The following DGLUCY variants were observed in gnomAD, a reference collection of about 807,000 sequenced individuals.
The protein encoded by DGLUCY is D-glutamate cyclase.
A neutral mutation model predicts 58.5 loss-of-function variants in DGLUCY; 58 were observed. The observed-to-expected ratio is 0.99, with a 90% CI of 0.80 to 1.23. DGLUCY has a LOEUF of 1.23. DGLUCY is among the 50% of genes most tolerant of loss of function. The pLI is 0.00. For missense variants in DGLUCY, 779 were observed against 784.7 expected, an observed-to-expected ratio of 0.99 and a Z score of 0.09; for synonymous variants, 325 against 314.1, an observed-to-expected ratio of 1.03 and a Z score of -0.37.
intron 9 of DGLUCY, chr14:91,189,878 T>A (rs948954876): frequency 2.0e-5 from 3 of 152,364 alleles, no homozygotes; most frequent in Admixed American, 6.5e-5. Context: ...GCACCCATTA[T>A]GTCAGAAGTT....
chr14:91,128,549 G>A (rs982414213), intron 1 of DGLUCY, among the ~76,000 whole-genome samples: 3 of 152,158 alleles, frequency 2.0e-5, no homozygotes, highest in East Asian at 1.9e-4. Context: ...AAAGGGGATT[G>A]TATTAGCCTA....
At chr14:91,184,689 T>C (rs1219429522) in intron 8 of DGLUCY, among the ~76,000 whole-genome samples, 1 of 141,014 alleles carries the variant, frequency 7.1e-6, no homozygotes, top group African/African-American at 2.7e-5. Context: ...AGGAAGGAAA[T>C]GTCTGATTCT....
chr14:91,149,943 G>A (rs1361113894), intron 1 of DGLUCY, among the ~76,000 whole-genome samples: 1 of 152,094 alleles, frequency 6.6e-6, no homozygotes, highest in Non-Finnish European at 1.5e-5. Context: ...TGTTTGGGCT[G>A]GGTGCGGTGG....
At chr14:91,089,111 C>T (rs1002189109) in intron 1 of DGLUCY, among the ~76,000 whole-genome samples, 1 of 152,250 alleles carries the variant, frequency 6.6e-6, no homozygotes, top group Admixed American at 6.5e-5. Context: ...CCTCCATTCT[C>T]ATCATGGTTC....
intron 1 of DGLUCY, among the ~76,000 whole-genome samples, chr14:91,157,163 G>GAA (rs2047686811): frequency 3.7e-5 from 3 of 80,578 alleles, no homozygotes; most frequent in Admixed American, 1.4e-4. Flanking sequence ...GGATGAATGG[G>GAA]TGGATGGATA....
intron 1 of DGLUCY, among the ~76,000 whole-genome samples, chr14:91,063,117 G>T (rs1004645333): frequency 6.6e-6 from 1 of 152,146 alleles, no homozygotes; most frequent in Admixed American, 6.6e-5. Flanking sequence ...TAAGTTGGAG[G>T]AGCTGGAAGA....
upstream of DGLUCY, among the ~76,000 whole-genome samples, chr14:91,103,404 C>T (rs935419542): frequency 1.3e-5 from 2 of 152,194 alleles, no homozygotes; most frequent in Admixed American, 1.3e-4. Flanking sequence ...TTTCCTCCCT[C>T]CTCCTCCGTC....
chr14:91,074,282 G>A (rs1472215245), intron 1 of DGLUCY, among the ~76,000 whole-genome samples: 4 of 121,066 alleles, frequency 3.3e-5, no homozygotes, highest in Non-Finnish European at 5.0e-5. Flanking sequence ...GCAACTGAGC[G>A]ATACCCTGTC....
intron 6 of DGLUCY, 45 bp from the exon 7 acceptor site, chr14:91,175,889 G>C (rs952533205): frequency 2.5e-6 from 4 of 1,608,684 alleles, no homozygotes; most frequent in Admixed American, 1.7e-5. Context: ...GTTCTAATTG[G>C]ATGCTCCCTG....
At chr14:91,173,026 A>G (rs938643001) in intron 5 of DGLUCY, among the ~76,000 whole-genome samples, 5 of 152,182 alleles carry the variant, frequency 3.3e-5, no homozygotes, top group Non-Finnish European at 5.9e-5. Context: ...TATGCAGTTA[A>G]AGGCATTACT....
At chr14:91,125,572 A>G (rs2401977) in intron 1 of DGLUCY, 89,719 of 152,124 alleles carry the variant, frequency 0.59, 27,798 homozygotes, top group East Asian at 0.89. Context: ...GGGGTGACAA[A>G]TGACCACTGG....
intron 4 of DGLUCY, among the ~76,000 whole-genome samples, chr14:91,169,035 C>T (rs545670773): frequency 3.3e-5 from 5 of 151,502 alleles, no homozygotes; most frequent in South Asian, 2.1e-4. Flanking sequence ...TGCAGTGAGC[C>T]GAGGTTGCAC....
At chr14:91,090,031 A>G (rs948613910) in intron 1 of DGLUCY, among the ~76,000 whole-genome samples, 9 of 152,100 alleles carry the variant, frequency 5.9e-5, no homozygotes, top group African/African-American at 1.9e-4. Context: ...GTCCACCTCT[A>G]CTGAGGTGCA....
At chr14:91,171,628 A>G (rs1185825326) in intron 5 of DGLUCY, among the ~76,000 whole-genome samples, 2 of 152,204 alleles carry the variant, frequency 1.3e-5, no homozygotes, top group East Asian at 1.9e-4. Flanking sequence ...TGCTGCCGCC[A>G]GGGTGGTGAT....
chr14:91,192,577 C>T (rs544406884), intron 9 of DGLUCY, among the ~76,000 whole-genome samples: 6 of 152,234 alleles, frequency 3.9e-5, no homozygotes, highest in Middle Eastern at 6.8e-3. Flanking sequence ...CAAGACCAGC[C>T]TGTCCAAAAC....
At chr14:91,115,825 G>C (rs1566946790) in intron 1 of DGLUCY, among the ~76,000 whole-genome samples, 2 of 152,198 alleles carry the variant, frequency 1.3e-5, no homozygotes, top group South Asian at 2.1e-4. Context: ...TGGAAATTTG[G>C]AAAATTTCAC....
intron 1 of DGLUCY, among the ~76,000 whole-genome samples, chr14:91,157,146 GATGGATGGATGA>G (rs2047681479): frequency 6.6e-6 from 1 of 150,440 alleles, no homozygotes; most frequent in South Asian, 2.1e-4. Flanking sequence ...TGGATGGATG[GATGGATGGATGA>G]ATGGGTGGAT....
At position 91,224,899 on chromosome 14, in the gene DGLUCY, C is replaced by A; in HGVS notation, c.*66C>A. On this transcript the variant is annotated 3_prime_UTR_variant, in exon 14 of 14. Transcript: ENST00000256324. ...AGGTCTGCATCCGGGGAGAATGCAG[C>A]TGCTTCTGGCGACAATCCTGCTAGT... is the stretch of plus-strand genomic sequence containing the variant. 1 of 1,464,894 alleles carries A rather than the reference C, an allele frequency of 6.8e-7. No individual in the cohort carries two copies. Among genetic ancestry groups the A allele is most frequent in the African/African-American group, 1.4e-5 (1 of 71,010 alleles). The allele number at this position is 1,464,894 out of a possible 1,614,324, so 90.7% of individuals were successfully genotyped here.
intron 1 of DGLUCY, among the ~76,000 whole-genome samples, chr14:91,063,335 A>G (rs2043764264): frequency 6.7e-6 from 1 of 150,370 alleles, no homozygotes. Flanking sequence ...GGCAGATCCT[A>G]TTGGTATGAT....
Sources: gnomAD v4.1 joint callset for allele counts (sites outside exome capture counted in the v4.1 genomes callset) on GRCh38, gnomAD v4.1.1 for gene constraint, MANE v1.5 for transcripts, NCBI Gene and HGNC (gene_info 2026-07-23, HGNC 2026-07-21) for gene names.